The following IL1RAPL2 variants were observed in gnomAD, a reference collection of about 807,000 sequenced individuals.
IL1RAPL2 encodes X-linked interleukin-1 receptor accessory protein-like 2.
IL1RAPL2 carries 3 observed loss-of-function variants against 44.1 expected under a neutral mutation model. That is an observed-to-expected ratio of 0.07 (90% CI 0.03 to 0.18). The LOEUF (loss-of-function observed/expected upper bound fraction) is 0.18. IL1RAPL2 is among the 10% of genes least tolerant of loss of function. The pLI, the probability that IL1RAPL2 is intolerant of heterozygous loss-of-function variation, is 1.00. For missense variants in IL1RAPL2, 391 were observed against 496.4 expected (o/e 0.79, Z 2.02); for synonymous variants, 181 against 178.8 (o/e 1.01, Z -0.10).
rs756075649 is a variant in IL1RAPL2 at position 104,950,579 on chromosome X, G to A, written c.83-244896G>A. On this transcript the variant is annotated intron_variant, in intron 2 of 10. Transcript: ENST00000372582. ...GCGCCCCTCCCCCAGCCTGGCTGCC[G>A]CCTTGCAGTTTGATCTCAGACTGCT... Among the ~76,000 whole-genome samples the A allele has an allele frequency of 5.3e-5, 6 of 112,785 alleles. No individual in the cohort carries two copies. In the East Asian group the frequency reaches 1.1e-3, roughly 21 times the overall value.
At position 104,882,300 on chromosome X, in the gene IL1RAPL2, G is replaced by T. The variant is rs747761502; in HGVS notation, c.82+223305G>T. 8.0e-5 allele frequency among the ~76,000 whole-genome samples: 9 copies of T among 112,226 alleles called. No homozygotes were observed. In the East Asian group the frequency reaches 1.7e-3, roughly 21 times the overall value. On this transcript the variant is annotated intron_variant, in intron 2 of 10. Transcript: ENST00000372582. ...GTTGGTGTGGGGACTATGAGCAAAA[G>T]AAATTCATGAGGTGATATTTTTCTT...
intron 2 of IL1RAPL2, among the ~76,000 whole-genome samples, chrX:104,749,836 T>C (rs1296864168): frequency 1.8e-5 from 2 of 111,952 alleles, no homozygotes; most frequent in African/African-American, 6.5e-5. Flanking sequence ...GGATAATGTA[T>C]AAATGCGTTA....
At chrX:105,081,836 G>C (rs1313479890) in intron 2 of IL1RAPL2, among the ~76,000 whole-genome samples, 2 of 111,995 alleles carry the variant, frequency 1.8e-5, no homozygotes, top group African/African-American at 3.2e-5. Flanking sequence ...ACTTGATCGT[G>C]CTGGATAAGC....
chrX:104,858,061 A>G (rs1238472054), intron 2 of IL1RAPL2, among the ~76,000 whole-genome samples: 1 of 110,940 alleles, frequency 9.0e-6, no homozygotes, highest in Non-Finnish European at 1.9e-5. Context: ...TAAGACTGAA[A>G]GAGGAGAATC....
At chrX:105,035,089 G>A (rs889392429) in intron 2 of IL1RAPL2, among the ~76,000 whole-genome samples, 1 of 111,628 alleles carries the variant, frequency 9.0e-6, no homozygotes, top group Non-Finnish European at 1.9e-5. Context: ...AAGCCCGTTG[G>A]AAAAGTGAAG....
At chrX:105,608,461 G>T (rs1187622290) in intron 6 of IL1RAPL2, among the ~76,000 whole-genome samples, 1 of 112,023 alleles carries the variant, frequency 8.9e-6, no homozygotes, top group African/African-American at 3.2e-5. Flanking sequence ...AGAACTTCAA[G>T]TTAAAACCTA....
At chrX:105,231,948 G>T (rs2034075107) in intron 3 of IL1RAPL2, among the ~76,000 whole-genome samples, 1 of 112,174 alleles carries the variant, frequency 8.9e-6, no homozygotes, top group Admixed American at 9.5e-5. Context: ...TAGCTTCATG[G>T]CATTTAAAGA....
chrX:105,256,587 C>A (rs1167640971), intron 4 of IL1RAPL2, among the ~76,000 whole-genome samples: 1 of 110,974 alleles, frequency 9.0e-6, no homozygotes, highest in Non-Finnish European at 1.9e-5. Context: ...CCTCAGCCTC[C>A]CAAAGTGCTA....
chrX:104,582,592 TTCTTTTTCTTTCTTTCTTTCTTTC>T (rs1383509789), intron 1 of IL1RAPL2, among the ~76,000 whole-genome samples: 9 of 31,399 alleles, frequency 2.9e-4, no homozygotes, highest in East Asian at 4.1e-3. Context: ...CTTTCTTTCT[TTCTTTTTCTTTCTTTCTTTCTTTC>T]TTTCTTTCTT....
chrX:104,982,894 CAT>C (rs918478854), intron 2 of IL1RAPL2, among the ~76,000 whole-genome samples: 19 of 111,062 alleles, frequency 1.7e-4, no homozygotes, highest in African/African-American at 5.2e-4. Context: ...AGTCATTTTT[CAT>C]ATGTCTCACT....
At chrX:104,965,615 C>T (rs1400081434) in intron 2 of IL1RAPL2, among the ~76,000 whole-genome samples, 2 of 111,263 alleles carry the variant, frequency 1.8e-5, no homozygotes, top group Non-Finnish European at 3.8e-5. Flanking sequence ...AACTACAGAA[C>T]AGCGTATTTG....
At chrX:104,670,976 A>G (rs186204180) in intron 2 of IL1RAPL2, among the ~76,000 whole-genome samples, 12 of 111,367 alleles carry the variant, frequency 1.1e-4, no homozygotes, top group African/African-American at 3.9e-4. Context: ...TTGACTCCCT[A>G]TTGCATACAG....
intron 6 of IL1RAPL2, among the ~76,000 whole-genome samples, chrX:105,711,169 T>C (rs1019886151): frequency 4.5e-5 from 5 of 110,276 alleles, no homozygotes; most frequent in African/African-American, 9.9e-5. Flanking sequence ...AAACTATTAA[T>C]GGGTCTCTTA....
intron 2 of IL1RAPL2, among the ~76,000 whole-genome samples, chrX:105,144,713 A>G (rs1014846214): frequency 1.1e-4 from 12 of 111,777 alleles, no homozygotes; most frequent in African/African-American, 3.9e-4. Context: ...TGTTTGGCCA[A>G]TAATCCATCC....
intron 8 of IL1RAPL2, among the ~76,000 whole-genome samples, chrX:105,741,096 A>T (rs995167552): frequency 8.9e-6 from 1 of 111,887 alleles, no homozygotes; most frequent in Non-Finnish European, 1.9e-5. Flanking sequence ...ACTAAAAAAT[A>T]AAAAAATAAT....
chrX:105,677,489 A>G (rs1265653387), intron 6 of IL1RAPL2, among the ~76,000 whole-genome samples: 1 of 112,549 alleles, frequency 8.9e-6, no homozygotes, highest in Non-Finnish European at 1.9e-5. Context: ...ACTTGCATTA[A>G]GTTGCAGACA....
Position 105,592,440 on chromosome X carries a change from T to TA in IL1RAPL2, c.772+108053_772+108054insA, listed in dbSNP as rs200625123. Among the ~76,000 whole-genome samples, 523 of 112,012 alleles carry TA rather than the reference T, an allele frequency of 4.7e-3. 5 individuals are homozygous for TA. Among genetic ancestry groups the TA allele is most frequent in the African/African-American group, 0.016 (485 of 30,853 alleles). The stretch of plus-strand genomic sequence containing the variant: ...ATCTCATTCTTGTTCAAGGTTAATA[T>TA]TGATATGTGTGGTTTTGGTCCTGTC... On this transcript the variant is annotated intron_variant, in intron 6 of 10. Transcript: ENST00000372582.
intron 2 of IL1RAPL2, among the ~76,000 whole-genome samples, chrX:104,679,020 G>C (rs894897822): frequency 8.9e-6 from 1 of 111,962 alleles, no homozygotes; most frequent in African/African-American, 3.3e-5. Flanking sequence ...AATTTGTGCG[G>C]AGATGTATAA....
chrX:105,145,794 C>A (rs2033174306), intron 2 of IL1RAPL2, among the ~76,000 whole-genome samples: 1 of 111,468 alleles, frequency 9.0e-6, no homozygotes, highest in African/African-American at 3.3e-5. Flanking sequence ...CTAAAAAATC[C>A]AATCTCGGCT....
Sources: gnomAD v4.1 joint callset for allele counts (sites outside exome capture counted in the v4.1 genomes callset) on GRCh38, gnomAD v4.1.1 for gene constraint, MANE v1.5 for transcripts, NCBI Gene and HGNC (gene_info 2026-07-23, HGNC 2026-07-21) for gene names.